RALGPS1: variants seen among roughly 807,000 people sequenced by gnomAD.
RALGPS1 encodes ras-specific guanine nucleotide-releasing factor RalGPS1.
A neutral mutation model predicts 78.8 loss-of-function variants in RALGPS1; 19 were observed. The observed-to-expected ratio is 0.24, with a 90% CI of 0.17 to 0.35. The LOEUF is 0.35. Ranked by LOEUF, RALGPS1 falls within the 10% of genes least tolerant of loss-of-function variation. RALGPS1 has a pLI of 1.00. For synonymous variants in RALGPS1, 228 were observed against 256.3 expected (o/e 0.89, Z 1.06); for missense variants, 454 against 688.3 (o/e 0.66, Z 3.81).
intron 4 of RALGPS1, among the ~76,000 whole-genome samples, chr9:126,989,227 G>A (rs1337430374): frequency 1.3e-5 from 2 of 152,220 alleles, no homozygotes; most frequent in African/African-American, 2.4e-5. Flanking sequence ...TTGAGGTGGG[G>A]TGGCTCTGGT....
intron 1 of RALGPS1, among the ~76,000 whole-genome samples, chr9:126,935,336 C>T (rs1438635306): frequency 6.6e-6 from 1 of 152,202 alleles, no homozygotes; most frequent in Non-Finnish European, 1.5e-5. Flanking sequence ...TTATGGCTCC[C>T]AGCATCCGTC....
intron 8 of RALGPS1, among the ~76,000 whole-genome samples, chr9:127,110,597 A>G (rs1019812044): frequency 6.6e-6 from 1 of 152,120 alleles, no homozygotes; most frequent in Admixed American, 6.5e-5. Context: ...CCACTTGACT[A>G]TCTGCTAGGT....
rs1052551505 is a variant in RALGPS1, at chr9:127,131,250, C to G, written c.611-34819C>G. Among the ~76,000 whole-genome samples, 5 of 152,312 alleles carry G rather than the reference C, an allele frequency of 3.3e-5. No individual in the cohort carries two copies. In the South Asian group the frequency reaches 6.2e-4, roughly 19 times the overall value. On this transcript the variant is annotated intron_variant, in intron 8 of 18. Transcript: ENST00000259351. ...CCCAGCTGAGATTCCAGAAAGCTGA[C>G]AAGAGTTATTTGTAAATAAAAATAA...
rs2062312623 is a variant in RALGPS1 at position 127,212,328 on chromosome 9, A to G, written c.1353+92A>G. ...AGAGGTCTCAGCAAAAGTCACATGC[A>G]TGGCAGAGGCTCTGCTTGCAGTGGG... On this transcript the variant is annotated intron_variant, in intron 15 of 18. Transcript: ENST00000259351. This position sits in a 1 kb window ranked among gnomAD's most constrained non-coding sequence, Gnocchi z 6.0. The G allele has an allele frequency of 8.3e-6, 8 of 963,588 alleles. No individual in the cohort carries two copies. Among genetic ancestry groups the G allele is most frequent in the African/African-American group, 4.9e-5 (3 of 60,686 alleles). The allele number at this position is 963,588 out of a possible 1,614,324, so 59.7% of individuals were successfully genotyped here. A position where few individuals can be genotyped will look rare whatever the true frequency, so the allele number is the denominator to read the frequency against.
chr9:127,117,640 T>G (rs1443338756), intron 8 of RALGPS1, among the ~76,000 whole-genome samples: 1 of 152,218 alleles, frequency 6.6e-6, no homozygotes, highest in East Asian at 1.9e-4. Context: ...GAGAGAGGAA[T>G]GGTGTGGCAC....
chr9:127,213,793 T>C (rs890184413), intron 17 of RALGPS1: 1 of 152,248 alleles, frequency 6.6e-6, no homozygotes, highest in Non-Finnish European at 1.5e-5. Flanking sequence ...TGGGGATTGA[T>C]TAAAATTCAG....
chr9:127,040,122 C>G (rs779166741), intron 5 of RALGPS1, among the ~76,000 whole-genome samples: 2 of 152,080 alleles, frequency 1.3e-5, no homozygotes, highest in Non-Finnish European at 2.9e-5. Flanking sequence ...TGAAGTAGGC[C>G]GGGCATGGTG....
chr9:127,156,678 G>A (rs1450463732), intron 8 of RALGPS1, among the ~76,000 whole-genome samples: 1 of 151,838 alleles, frequency 6.6e-6, no homozygotes, highest in Non-Finnish European at 1.5e-5. Context: ...TATTCTATTT[G>A]TCTTTCAGCT....
chr9:127,083,584 C>T (rs1176007039), intron 8 of RALGPS1, among the ~76,000 whole-genome samples: 3 of 152,192 alleles, frequency 2.0e-5, no homozygotes, highest in Non-Finnish European at 4.4e-5. Flanking sequence ...CAGCTGTGTC[C>T]CTGCCCATGG....
At chr9:126,953,716 C>T (rs1356826518) in intron 1 of RALGPS1, among the ~76,000 whole-genome samples, 1 of 152,186 alleles carries the variant, frequency 6.6e-6, no homozygotes, top group Non-Finnish European at 1.5e-5. Flanking sequence ...CTCCTAGAGG[C>T]TTGTGCGACT....
intron 4 of RALGPS1, among the ~76,000 whole-genome samples, chr9:127,010,449 C>G (rs1251475714): frequency 6.6e-6 from 1 of 152,156 alleles, no homozygotes; most frequent in Non-Finnish European, 1.5e-5. Context: ...TGGATTCCAC[C>G]CCTGGCTGGG....
At chr9:126,965,654 G>T (rs925481951) in intron 2 of RALGPS1, among the ~76,000 whole-genome samples, 190 bp from the exon 3 acceptor site, 9 of 152,232 alleles carry the variant, frequency 5.9e-5, no homozygotes, top group Non-Finnish European at 1.2e-4. Flanking sequence ...GCACATGTGA[G>T]AAGGAAATAA....
intron 8 of RALGPS1, among the ~76,000 whole-genome samples, chr9:127,090,349 C>G (rs1159588323): frequency 6.6e-6 from 1 of 152,250 alleles, no homozygotes; most frequent in African/African-American, 2.4e-5. Flanking sequence ...GTCTGACCAG[C>G]TCTGAAGGTT....
At chr9:126,932,128 T>G (rs1292531629) in intron 1 of RALGPS1, among the ~76,000 whole-genome samples, 2 of 152,166 alleles carry the variant, frequency 1.3e-5, no homozygotes, top group Non-Finnish European at 1.5e-5. Context: ...TCACATTGGG[T>G]CTGTGAACTT....
intron 4 of RALGPS1, among the ~76,000 whole-genome samples, chr9:127,019,483 A>G (rs1246522221): frequency 6.6e-6 from 1 of 151,944 alleles, no homozygotes; most frequent in Non-Finnish European, 1.5e-5. Flanking sequence ...GCCCGCCACC[A>G]TGCCTGGCTA....
intron 11 of RALGPS1, among the ~76,000 whole-genome samples, chr9:127,179,070 G>A (rs2060056809): frequency 6.6e-6 from 1 of 152,262 alleles, no homozygotes; most frequent in African/African-American, 2.4e-5. Context: ...CAGCTCCAGA[G>A]TGGGCTGACT....
chr9:127,141,307 T>A (rs1423014593), intron 8 of RALGPS1, among the ~76,000 whole-genome samples: 1 of 152,094 alleles, frequency 6.6e-6, no homozygotes, highest in Non-Finnish European at 1.5e-5. Context: ...AAATTCAAGT[T>A]TGAGATTTTT....
intron 8 of RALGPS1, among the ~76,000 whole-genome samples, chr9:127,104,304 C>T (rs1431371475): frequency 6.6e-6 from 1 of 152,196 alleles, no homozygotes; most frequent in East Asian, 1.9e-4. Flanking sequence ...GGGATGGGCA[C>T]TGTGCAGGAG....
At position 127,179,889 on chromosome 9, in the gene RALGPS1, C is replaced by T. The variant is rs1485020640; in HGVS notation, c.910+5107C>T. Among the ~76,000 whole-genome samples the T allele has an allele frequency of 3.3e-5, 5 of 152,182 alleles. 1 individual carries two copies. The East Asian group carries it at 9.6e-4, about 29-fold the overall frequency. On this transcript the variant is annotated intron_variant, in intron 11 of 18. Coordinates refer to ENST00000259351, the MANE Select transcript of RALGPS1 (RefSeq NM_014636.3). ...CGCCCTTTGAGGCCTTGATTCAAGT[C>T]CGAAGTGGTCTGTGGGCTGAGGCTG...
Sources: allele counts gnomAD v4.1 joint callset (sites outside exome capture counted in the v4.1 genomes callset), GRCh38; gene constraint gnomAD v4.1.1; non-coding constraint Gnocchi (gnomAD v3.1); transcripts MANE v1.5; gene names NCBI Gene and HGNC (gene_info 2026-07-23, HGNC 2026-07-21).